GLIS3: variants seen among roughly 807,000 people sequenced by gnomAD.
GLIS3 encodes GLIS family zinc finger 3.
In GLIS3, 53 loss-of-function variants were observed where a neutral mutation model predicts 78.6. That is an observed-to-expected ratio of 0.67 (90% CI 0.54 to 0.85). The LOEUF (loss-of-function observed/expected upper bound fraction) is 0.85. Ranked by LOEUF, GLIS3 falls within the 40% of genes least tolerant of loss-of-function variation. The pLI is 0.00. For synonymous variants in GLIS3, 684 were observed against 509.9 expected (o/e 1.34, Z -4.60); for missense variants, 1,703 against 1,231.1 (o/e 1.38, Z -5.74).
At chr9:4,338,298 T>C (rs1482439060) in intron 2 of GLIS3, among the ~76,000 whole-genome samples, 1 of 151,984 alleles carries the variant, frequency 6.6e-6, no homozygotes, top group African/African-American at 2.4e-5. Context: ...ACCTACTGAA[T>C]GAGACTTTCT....
intron 2 of GLIS3, among the ~76,000 whole-genome samples, chr9:4,323,804 C>T (rs1817568702): frequency 6.6e-6 from 1 of 152,164 alleles, no homozygotes; most frequent in Non-Finnish European, 1.5e-5. Context: ...CAGCCTAAAG[C>T]ACATCATAGG....
intron 2 of GLIS3, among the ~76,000 whole-genome samples, chr9:4,172,138 A>C (rs954452119): frequency 6.6e-6 from 1 of 152,224 alleles, no homozygotes; most frequent in Non-Finnish European, 1.5e-5. Flanking sequence ...TCTGAGAAAA[A>C]AATGAATCAC....
chr9:4,271,671 C>T (rs1046914159), intron 2 of GLIS3, among the ~76,000 whole-genome samples: 5 of 152,160 alleles, frequency 3.3e-5, no homozygotes, highest in Non-Finnish European at 7.3e-5. Context: ...TCCCCTTTTA[C>T]CTAAGGTAGC....
chr9:4,060,994 C>G (rs909226209), intron 4 of GLIS3, among the ~76,000 whole-genome samples: 2 of 152,104 alleles, frequency 1.3e-5, no homozygotes, highest in African/African-American at 4.8e-5. Context: ...CTCTTGCATG[C>G]TTCCAATACC....
chr9:4,484,730 C>A, the GLIS3 span, among the ~76,000 whole-genome samples: 4 of 152,022 alleles, frequency 2.6e-5, no homozygotes, highest in Non-Finnish European at 5.9e-5. Context: ...GCCAAACTAA[C>A]TTTAGGAGGA....
At chr9:4,131,062 T>A (rs960076302) in intron 2 of GLIS3, among the ~76,000 whole-genome samples, 10 of 152,026 alleles carry the variant, frequency 6.6e-5, no homozygotes, top group Non-Finnish European at 1.3e-4. Flanking sequence ...ATGACTGCCC[T>A]AGGGGGGGTT....
intron 4 of GLIS3, among the ~76,000 whole-genome samples, chr9:4,100,038 G>A (rs561179001): frequency 5.3e-5 from 8 of 152,306 alleles, no homozygotes; most frequent in Non-Finnish European, 8.8e-5. Context: ...ACTGGATTTT[G>A]TAAGAATAAA....
At chr9:4,262,628 T>C (rs910537897) in intron 2 of GLIS3, among the ~76,000 whole-genome samples, 1 of 152,178 alleles carries the variant, frequency 6.6e-6, no homozygotes, top group Non-Finnish European at 1.5e-5. Flanking sequence ...TATAAATTGA[T>C]GAGAAGGTGG....
intron 6 of GLIS3, among the ~76,000 whole-genome samples, chr9:3,930,667 G>C (rs951560746): frequency 1.3e-5 from 2 of 152,130 alleles, no homozygotes; most frequent in Non-Finnish European, 2.9e-5. Context: ...TATTTGTCTA[G>C]ATAGGGGACC....
rs7026435 is a variant in GLIS3, at chr9:4,074,821, C to A, written c.1710+42947G>T. 2.5e-3 allele frequency among the ~76,000 whole-genome samples: 379 copies of A among 152,344 alleles called. 2 individuals carry two copies. Among genetic ancestry groups the A allele is most frequent in the African/African-American group, 8.8e-3 (364 of 41,574 alleles). Reference sequence around the variant, plus strand: ...TGATCTTGGTAACGAGATCTTGCCTCCATTTGGTCATTAGGCATTTTTACC... The same window carrying A: ...TGATCTTGGTAACGAGATCTTGCCTACATTTGGTCATTAGGCATTTTTACC... On this transcript the variant is annotated intron_variant, in intron 4 of 10. Coordinates refer to ENST00000381971, the MANE Select transcript of GLIS3 (RefSeq NM_001042413.2).
intron 2 of GLIS3, among the ~76,000 whole-genome samples, chr9:4,247,600 C>T (rs1823916453): frequency 6.6e-6 from 1 of 151,964 alleles, no homozygotes; most frequent in Admixed American, 6.6e-5. Context: ...GACAAGAATG[C>T]TTACTATCAC....
chr9:4,317,788 G>T (rs900759723), intron 2 of GLIS3, among the ~76,000 whole-genome samples: 1 of 152,070 alleles, frequency 6.6e-6, no homozygotes, highest in African/African-American at 2.4e-5. Flanking sequence ...ATTTTGTCTG[G>T]GACCTAAAGA....
chr9:3,919,614 A>G (rs1037185471), intron 6 of GLIS3, among the ~76,000 whole-genome samples: 2 of 151,862 alleles, frequency 1.3e-5, no homozygotes, highest in East Asian at 3.9e-4. Flanking sequence ...AAACCTGCAC[A>G]TGTACCCCTG....
At chr9:4,322,811 G>C (rs1251057985) in intron 2 of GLIS3, among the ~76,000 whole-genome samples, 2 of 152,102 alleles carry the variant, frequency 1.3e-5, no homozygotes, top group Non-Finnish European at 2.9e-5. Context: ...TTGAATATTA[G>C]CCCTGTGTCA....
the GLIS3 span, among the ~76,000 whole-genome samples, chr9:4,454,140 T>C: frequency 7.4e-6 from 1 of 135,670 alleles, no homozygotes; most frequent in African/African-American, 2.7e-5. Context: ...TTGACAAATG[T>C]ATATGATGAT....
chr9:3,976,556 A>C (rs1047979206), intron 4 of GLIS3, among the ~76,000 whole-genome samples: 1 of 151,800 alleles, frequency 6.6e-6, no homozygotes, highest in African/African-American at 2.4e-5. Context: ...GGACTCTTGA[A>C]ATGCTCCCCT....
chr9:3,995,917 T>C (rs569860961), intron 4 of GLIS3, among the ~76,000 whole-genome samples: 3 of 152,226 alleles, frequency 2.0e-5, no homozygotes, highest in African/African-American at 4.8e-5. Context: ...ATAAGAACTT[T>C]CCTGAATTCA....
chr9:4,258,847 T>C (rs1825232872), intron 2 of GLIS3, among the ~76,000 whole-genome samples: 1 of 152,242 alleles, frequency 6.6e-6, no homozygotes, highest in African/African-American at 2.4e-5. Flanking sequence ...CATTCTTTTC[T>C]TTCTTTTCTC....
chr9:3,960,208 C>T (rs1394795990), intron 4 of GLIS3, among the ~76,000 whole-genome samples: 2 of 152,112 alleles, frequency 1.3e-5, no homozygotes, highest in Non-Finnish European at 2.9e-5. Context: ...ACAGGGAGAA[C>T]ACTGTGTAAA....
Sources: allele counts gnomAD v4.1 joint callset (sites outside exome capture counted in the v4.1 genomes callset), GRCh38; gene constraint gnomAD v4.1.1; transcripts MANE v1.5; gene names NCBI Gene and HGNC (gene_info 2026-07-23, HGNC 2026-07-21).